CGGBP1: variants seen among roughly 807,000 people sequenced by gnomAD.
The protein encoded by CGGBP1 is CGG triplet repeat binding protein 1.
A neutral mutation model predicts 11.4 loss-of-function variants in CGGBP1; 4 were observed. The observed-to-expected ratio is 0.35, with a 90% confidence interval of 0.17 to 0.80. CGGBP1 has a LOEUF of 0.80. CGGBP1 is among the 30% of genes least tolerant of loss of function. CGGBP1 has a pLI of 0.52. For synonymous variants in CGGBP1, 76 were observed against 74.1 expected, an observed-to-expected ratio of 1.03 and a Z score of -0.13; for missense variants, 135 against 202.1, an observed-to-expected ratio of 0.67 and a Z score of 2.01.
chr3:88,086,420 C>T, intron 2 of CGGBP1: 2 of 1,458,942 alleles, frequency 1.4e-6, no homozygotes, highest in Non-Finnish European at 1.8e-6. Context: ...CTTTTTACTT[C>T]TTATAAATGC....
intron 1 of CGGBP1, among the ~76,000 whole-genome samples, chr3:88,145,215 G>A (rs769000905): frequency 6.6e-6 from 1 of 151,924 alleles, no homozygotes; most frequent in Non-Finnish European, 1.5e-5. Context: ...TACTTTTTTC[G>A]TTCACTAACA....
chr3:88,121,556 T>G (rs112703704), intron 2 of CGGBP1, among the ~76,000 whole-genome samples: 63 of 152,216 alleles, frequency 4.1e-4, no homozygotes, highest in Middle Eastern at 3.4e-3. Flanking sequence ...TAAATATTCC[T>G]CAGGAACCTA....
At chr3:88,057,951 G>C (rs1313001539) in intron 2 of CGGBP1, 68 bp downstream of exon 2, 1 of 152,184 alleles carries the variant, frequency 6.6e-6, no homozygotes, top group East Asian at 1.9e-4. Flanking sequence ...GCCAACAAAA[G>C]AGAAAAAGCA....
At chr3:88,147,823 C>A (rs1434475654) in intron 1 of CGGBP1, among the ~76,000 whole-genome samples, 6 of 152,124 alleles carry the variant, frequency 3.9e-5, no homozygotes, top group Admixed American at 3.9e-4. Flanking sequence ...TTTTGGTTGG[C>A]ACAGTGAGGG....
upstream of CGGBP1, chr3:88,059,637 G>A: frequency 7.6e-7 from 1 of 1,311,430 alleles, no homozygotes; most frequent in Non-Finnish European, 9.9e-7. Context: ...TGAGGCTGAA[G>A]CTCCCTCCTC....
intron 2 of CGGBP1, among the ~76,000 whole-genome samples, chr3:88,117,777 G>GT (rs1705499206): frequency 6.6e-6 from 1 of 152,096 alleles, no homozygotes; most frequent in Non-Finnish European, 1.5e-5. Context: ...AGAATCAAAT[G>GT]TATTTTTGGG....
chr3:88,130,617 ATTTTTT>A (rs10674029), intron 2 of CGGBP1, among the ~76,000 whole-genome samples: 1 of 129,206 alleles, frequency 7.7e-6, no homozygotes, highest in African/African-American at 2.9e-5. Context: ...TGCCCAGCTA[ATTTTTT>A]TTTTTTTTTT....
chr3:88,113,227 T>C (rs1296880861), intron 2 of CGGBP1: 13 of 1,392,008 alleles, frequency 9.3e-6, no homozygotes, highest in African/African-American at 7.2e-5. Flanking sequence ...TCACACTTTG[T>C]CTACACTTAA....
intron 2 of CGGBP1, among the ~76,000 whole-genome samples, chr3:88,085,008 A>G (rs1708262445): frequency 6.6e-6 from 1 of 152,184 alleles, no homozygotes. Context: ...CTCTGGAGGG[A>G]GACAGCATCT....
intron 2 of CGGBP1, among the ~76,000 whole-genome samples, chr3:88,074,373 G>C (rs1459435113): frequency 6.2e-5 from 8 of 128,414 alleles, no homozygotes; most frequent in Non-Finnish European, 1.1e-4. Flanking sequence ...ACTGAGTCTT[G>C]CTTTATCGCC....
intron 2 of CGGBP1, among the ~76,000 whole-genome samples, chr3:88,124,480 G>A (rs1173750294): frequency 1.3e-5 from 2 of 152,230 alleles, no homozygotes; most frequent in East Asian, 3.9e-4. Flanking sequence ...CATAAAACAA[G>A]TAAAACCTCT....
chr3:88,136,351 G>A (rs1241737715), intron 2 of CGGBP1, among the ~76,000 whole-genome samples: 1 of 152,078 alleles, frequency 6.6e-6, no homozygotes, highest in Admixed American at 6.6e-5. Flanking sequence ...ATTCAAAGAT[G>A]AAATAAGAAT....
rs780501204 is a variant in CGGBP1 at position 88,071,713 on chromosome 3, A to G, written c.-228-13490T>C. On this transcript the variant is annotated intron_variant, in intron 2 of 3. Coordinates refer to the CGGBP1 transcript ENST00000462901. ...CAGCTATTCAGGAGGATGAGGCAAG[A>G]GAATCACTTGAACCCGGGAGGCAGA... Among the ~76,000 whole-genome samples, 3 of 152,194 alleles carry G rather than the reference A, an allele frequency of 2.0e-5. No individual in the cohort carries two copies. In the East Asian group the frequency reaches 5.8e-4, roughly 29 times the overall value.
At chr3:88,065,432 A>G (rs777637691) in intron 2 of CGGBP1, among the ~76,000 whole-genome samples, 7 of 152,172 alleles carry the variant, frequency 4.6e-5, no homozygotes, top group African/African-American at 7.2e-5. Context: ...ATGTAATCCT[A>G]TGTCCCTTTT....
At chr3:88,064,179 T>A (rs1341396541) in intron 2 of CGGBP1, among the ~76,000 whole-genome samples, 1 of 152,082 alleles carries the variant, frequency 6.6e-6, no homozygotes, top group East Asian at 1.9e-4. Flanking sequence ...CTTTCCTACT[T>A]CTTATTCTCC....
chr3:88,052,313 T>C lies in CGGBP1; in HGVS notation c.*3160A>G, dbSNP rs1253495696. 6.6e-6 allele frequency: 1 copy of C among 152,640 alleles called. No individual in the cohort carries two copies. Among genetic ancestry groups the C allele is most frequent in the Non-Finnish European group, 1.5e-5 (1 of 68,032 alleles). 9.5% of individuals were successfully genotyped at this position (152,640 alleles called of 1,614,324 possible). ...TAAAGCAATTTCTTTTAGGCTAAGA[T>C]TGGCAAAAAATCATAGACCCAATTT... is the stretch of plus-strand genomic sequence containing the variant. On this transcript the variant is annotated 3_prime_UTR_variant, in exon 4 of 4. Coordinates refer to ENST00000482016, the MANE Select transcript of CGGBP1 (RefSeq NM_001008390.2).
At chr3:88,135,617 G>A (rs1706730697) in intron 2 of CGGBP1, 1 of 152,608 alleles carries the variant, frequency 6.6e-6, no homozygotes, top group Non-Finnish European at 1.5e-5. Flanking sequence ...ATTCTGAGGT[G>A]TTTTTGAAAC....
upstream of CGGBP1, among the ~76,000 whole-genome samples, chr3:88,060,094 A>G (rs1318896855): frequency 6.6e-6 from 1 of 151,990 alleles, no homozygotes; most frequent in African/African-American, 2.4e-5. Flanking sequence ...TCGGACAGAG[A>G]GTGCGTTAAG....
chr3:88,073,986 T>C (rs1341207137), intron 2 of CGGBP1, among the ~76,000 whole-genome samples: 1 of 152,174 alleles, frequency 6.6e-6, no homozygotes, highest in Non-Finnish European at 1.5e-5. Flanking sequence ...TAACCTGTGA[T>C]AGTGTTTTAG....
Sources: allele counts gnomAD v4.1 joint callset (sites outside exome capture counted in the v4.1 genomes callset), GRCh38; gene constraint gnomAD v4.1.1; transcripts MANE v1.5; gene names NCBI Gene and HGNC (gene_info 2026-07-23, HGNC 2026-07-21).